BRINP3: variants seen among roughly 807,000 people sequenced by gnomAD.
BRINP3 encodes BMP/retinoic acid inducible neural specific 3.
In BRINP3, 19 loss-of-function variants were observed where a neutral mutation model predicts 71.0. That is an observed-to-expected ratio of 0.27 (90% CI 0.19 to 0.39). The LOEUF is 0.39. Among genes scored for constraint, BRINP3 ranks in the 10% least tolerant of loss-of-function variants. The pLI is 1.00. For missense variants in BRINP3, 959 were observed against 940.8 expected (o/e 1.02, Z -0.25); for synonymous variants, 380 against 337.7 (o/e 1.13, Z -1.37).
At chr1:190,148,021 C>T (rs2102410801) in intron 7 of BRINP3, among the ~76,000 whole-genome samples, 1 of 152,260 alleles carries the variant, frequency 6.6e-6, no homozygotes, top group South Asian at 2.1e-4. Context: ...AATAAGTAGG[C>T]TTTAAAATAC....
At chr1:190,467,774 A>G (rs903197001) in intron 1 of BRINP3, among the ~76,000 whole-genome samples, 2 of 151,634 alleles carry the variant, frequency 1.3e-5, no homozygotes, top group Admixed American at 6.6e-5. Flanking sequence ...TCAAAAGGTT[A>G]TGAGGTACTA....
chr1:190,361,101 A>C (rs1366126265), intron 2 of BRINP3, among the ~76,000 whole-genome samples: 1 of 151,898 alleles, frequency 6.6e-6, no homozygotes, highest in East Asian at 2.0e-4. Context: ...GAGCAGATAC[A>C]TTTGACTCAA....
At chr1:190,404,488 A>T (rs1195307650) in intron 2 of BRINP3, among the ~76,000 whole-genome samples, 1 of 152,184 alleles carries the variant, frequency 6.6e-6, no homozygotes, top group Non-Finnish European at 1.5e-5. Context: ...TACTTTGCTT[A>T]AAGATGAACT....
intron 2 of BRINP3, among the ~76,000 whole-genome samples, chr1:190,453,737 A>G (rs891619890): frequency 2.6e-5 from 4 of 152,200 alleles, no homozygotes; most frequent in Admixed American, 6.5e-5. Flanking sequence ...GACTACAGAC[A>G]AACATGAAGC....
At chr1:190,466,387 A>C (rs1264179105) in intron 1 of BRINP3, among the ~76,000 whole-genome samples, 1 of 151,756 alleles carries the variant, frequency 6.6e-6, no homozygotes, top group Non-Finnish European at 1.5e-5. Context: ...CTTAGAAGTT[A>C]TTTTCTAGAG....
rs142238975 is a variant in BRINP3, at chr1:190,303,911, C to T, written c.237-22161G>A. On this transcript the variant is annotated intron_variant, in intron 2 of 7. Transcript: ENST00000367462. ...ACTGATGGTTTAATAAAAAATTTAA[C>T]AATCAACATAAAATCATAAATAATT... Among the ~76,000 whole-genome samples the T allele has an allele frequency of 6.6e-3, 997 of 151,674 alleles. 5 individuals carry two copies. The highest frequency in any genetic ancestry group is 0.021 in the African/African-American group (886 of 41,458).
At chr1:190,111,527 A>G (rs1652695191) in intron 7 of BRINP3, among the ~76,000 whole-genome samples, 1 of 152,166 alleles carries the variant, frequency 6.6e-6, no homozygotes, top group South Asian at 2.1e-4. Context: ...CAATGTGCCA[A>G]AATAAAACAA....
chr1:190,272,671 T>G (rs1229140629), intron 3 of BRINP3, among the ~76,000 whole-genome samples: 1 of 151,422 alleles, frequency 6.6e-6, no homozygotes, highest in Non-Finnish European at 1.5e-5. Context: ...TTTCTAATGG[T>G]TTTTATAATC....
intron 7 of BRINP3, among the ~76,000 whole-genome samples, chr1:190,137,703 A>C (rs1264520933): frequency 6.6e-6 from 1 of 152,172 alleles, no homozygotes; most frequent in Non-Finnish European, 1.5e-5. Context: ...AGACTGATGG[A>C]AGAAGATAGT....
chr1:190,387,753 A>G (rs1321118917), intron 2 of BRINP3, among the ~76,000 whole-genome samples: 2 of 151,790 alleles, frequency 1.3e-5, no homozygotes, highest in Non-Finnish European at 2.9e-5. Flanking sequence ...TACTTTGATA[A>G]CACTAACTTT....
intron 6 of BRINP3, among the ~76,000 whole-genome samples, chr1:190,222,589 T>A: frequency 6.7e-6 from 1 of 149,294 alleles, no homozygotes; most frequent in Non-Finnish European, 1.5e-5. Context: ...ATACATAAGA[T>A]CAACAAAAGG....
chr1:190,436,658 A>T (rs1674477082), intron 2 of BRINP3, among the ~76,000 whole-genome samples: 1 of 151,884 alleles, frequency 6.6e-6, no homozygotes, highest in African/African-American at 2.4e-5. Flanking sequence ...TGAATAATTC[A>T]TCTCATACAA....
At chr1:190,105,925 A>G (rs904932297) in intron 7 of BRINP3, among the ~76,000 whole-genome samples, 2 of 152,052 alleles carry the variant, frequency 1.3e-5, no homozygotes, top group East Asian at 3.9e-4. Context: ...AAGTAAAAAA[A>G]TTACCAAAAA....
intron 1 of BRINP3, among the ~76,000 whole-genome samples, chr1:190,476,944 A>T (rs996253916): frequency 2.0e-5 from 3 of 152,212 alleles, no homozygotes; most frequent in Non-Finnish European, 2.9e-5. Flanking sequence ...CTAAATTCAT[A>T]AAAATACACT....
At position 190,107,863 on chromosome 1, in the gene BRINP3, A is replaced by T. The variant is rs564568366; in HGVS notation, c.1185-8729T>A. Reference sequence around the variant, plus strand: ...GAAAATCAAATAATTATGGCACTGAATTTTTTTTAATGAATTTATGATCTG... The same window carrying T: ...GAAAATCAAATAATTATGGCACTGATTTTTTTTTAATGAATTTATGATCTG... On this transcript the variant is annotated intron_variant, in intron 7 of 7. Transcript: ENST00000367462. Among the ~76,000 whole-genome samples, 512 of 151,808 alleles carry T rather than the reference A, an allele frequency of 3.4e-3. 6 individuals are homozygous for T. The highest frequency in any genetic ancestry group is 2.2e-3 in the Non-Finnish European group (150 of 67,854).
At chr1:190,289,511 G>A (rs1003764088) in intron 2 of BRINP3, among the ~76,000 whole-genome samples, 4 of 151,804 alleles carry the variant, frequency 2.6e-5, no homozygotes, top group Admixed American at 2.6e-4. Context: ...AGTTTACAAG[G>A]TATAAATTTT....
chr1:190,425,729 CA>C (rs1305644031), intron 2 of BRINP3, among the ~76,000 whole-genome samples: 1 of 151,760 alleles, frequency 6.6e-6, no homozygotes, highest in East Asian at 1.9e-4. Flanking sequence ...GCTAAGTTGG[CA>C]AAACCTTTGT....
intron 6 of BRINP3, among the ~76,000 whole-genome samples, chr1:190,220,523 C>T (rs921458448): frequency 1.3e-5 from 2 of 151,876 alleles, no homozygotes; most frequent in African/African-American, 4.8e-5. Flanking sequence ...ACATGTAACG[C>T]AGAACTTAAA....
intron 3 of BRINP3, among the ~76,000 whole-genome samples, chr1:190,268,630 T>A (rs1351716507): frequency 6.6e-6 from 1 of 150,538 alleles, no homozygotes; most frequent in Non-Finnish European, 1.5e-5. Flanking sequence ...ATTTCGCAGA[T>A]AATATGATTA....
Sources: gnomAD v4.1 joint callset for allele counts (sites outside exome capture counted in the v4.1 genomes callset) on GRCh38, gnomAD v4.1.1 for gene constraint, MANE v1.5 for transcripts, NCBI Gene and HGNC (gene_info 2026-07-23, HGNC 2026-07-21) for gene names.